Variants in HSPA12B observed in about 807,000 individuals in gnomAD.
HSPA12B encodes heat shock protein family A (Hsp70) member 12B, also known as heat shock 70 kDa protein 12B.
In HSPA12B, 54 loss-of-function variants were observed where a neutral mutation model predicts 69.3. The ratio of observed to expected loss-of-function variants is 0.78; its 90% CI spans 0.63 to 0.98. The LOEUF (loss-of-function observed/expected upper bound fraction) is 0.98. Among genes scored for constraint, HSPA12B ranks in the 50% least tolerant of loss-of-function variants. The pLI is 0.00. For missense variants in HSPA12B, 929 were observed against 999.8 expected (o/e 0.93, Z 0.96); for synonymous variants, 441 against 436.5 (o/e 1.01, Z -0.13).
intron 11 of HSPA12B, 117 bp downstream of exon 11, chr20:3,750,344 A>C: frequency 6.9e-5 from 74 of 1,065,852 alleles, no homozygotes; most frequent in Non-Finnish European, 8.9e-5. Flanking sequence ...CCACATATAC[A>C]CTAAGCCAGC....
chr20:3,733,739 T>C (rs2088066341), intron 1 of HSPA12B, among the ~76,000 whole-genome samples: 1 of 152,172 alleles, frequency 6.6e-6, no homozygotes, highest in Admixed American at 6.5e-5. Context: ...GTCTGTGGCT[T>C]GGAAGAAACG....
At position 3,748,218 on chromosome 20, in the gene HSPA12B, C is replaced by A; in HGVS notation, c.677C>A (p.Ala226Asp). The A allele has an allele frequency of 6.4e-7, 1 of 1,555,798 alleles. No individual in the cohort carries two copies. Among genetic ancestry groups the A allele is most frequent in the South Asian group, 1.2e-5 (1 of 84,014 alleles). Reference sequence around the variant, plus strand: ...ACCCTGCCCACCACCCATCCCCAGGCTGGACTAGTGTCCCGAGAGAATGCA... The same window carrying A: ...ACCCTGCCCACCACCCATCCCCAGGATGGACTAGTGTCCCGAGAGAATGCA... ...KQFMREAAYL[A>D]GLVSRENAEQ... Residue 226 changes from alanine (A) to aspartate (D), a missense_variant and splice_region_variant, in exon 8 of 13, where the codon GCT becomes GAT. Physicochemically the swap from Ala to Asp is moderately radical, Grantham distance 126. Around this residue, in one of 3 missense-constraint regions of HSPA12B, gnomAD observed 477 missense variants for 535.2 expected, o/e 0.89. Coordinates refer to ENST00000254963, the MANE Select transcript of HSPA12B (RefSeq NM_052970.5).
At chr20:3,750,331 A>C in intron 11 of HSPA12B, 104 bp downstream of exon 11, 1 of 1,216,802 alleles carries the variant, frequency 8.2e-7, no homozygotes, top group East Asian at 2.6e-5. Flanking sequence ...TGCCTGATTC[A>C]TCCCACATAT....
In HSPA12B at chr20:3,744,889, T is replaced by C; in HGVS notation, c.267-13T>C. ...GAAGGGAGGGTTGCACTGACTGCCC[T>C]GTGCCTCCGCAGGAAATGGGAGGGC... On this transcript the variant is annotated splice_polypyrimidine_tract_variant and intron_variant, in intron 4 of 12. Transcript: ENST00000254963. The surrounding 1 kb of genome is among the most constrained non-coding windows in gnomAD (Gnocchi z 4.9). The C allele has an allele frequency of 6.2e-7, 1 of 1,610,664 alleles. No individual in the cohort carries two copies. Among genetic ancestry groups the C allele is most frequent in the Non-Finnish European group, 8.5e-7 (1 of 1,179,538 alleles).
chr20:3,748,270 C>G lies in HSPA12B; in HGVS notation c.729C>G (p.Pro243=). Reference sequence around the variant, plus strand: ...AGCAGCTACTCATCGCCCTGGAGCCCGAGGCCGCCTCGGTATACTGCCGCA... The same window carrying G: ...AGCAGCTACTCATCGCCCTGGAGCCGGAGGCCGCCTCGGTATACTGCCGCA... The part of the protein sequence containing the change: ...NAEQLLIALE[P]EAASVYCRKL... The change falls in exon 8 of 13, where the codon CCC becomes CCG. Residue 243 remains proline, a synonymous_variant. Transcript: ENST00000254963. 1 of 1,604,746 alleles carries G rather than the reference C, an allele frequency of 6.2e-7. No individual in the cohort carries two copies. The highest frequency in any genetic ancestry group is 8.5e-7 in the Non-Finnish European group (1 of 1,175,190).
At chr20:3,742,675 A>G (rs2088222867) in intron 4 of HSPA12B, among the ~76,000 whole-genome samples, 1 of 151,904 alleles carries the variant, frequency 6.6e-6, no homozygotes, top group Non-Finnish European at 1.5e-5. Context: ...ACATAACAAT[A>G]AAATATGCAA....
intron 1 of HSPA12B, among the ~76,000 whole-genome samples, chr20:3,735,032 C>A (rs2088087507): frequency 6.6e-6 from 1 of 152,078 alleles, no homozygotes; most frequent in South Asian, 2.1e-4. Flanking sequence ...GCCACCACAC[C>A]CAGCCCTTAA....
chr20:3,748,599 C>A (rs1032575150), intron 8 of HSPA12B, among the ~76,000 whole-genome samples: 2 of 152,146 alleles, frequency 1.3e-5, no homozygotes, highest in South Asian at 2.1e-4. Context: ...GTGGGACATG[C>A]CCTACCTAGG....
intron 11 of HSPA12B, 125 bp from the exon 12 acceptor site, chr20:3,750,679 C>T (rs1329072631): frequency 3.2e-6 from 5 of 1,570,186 alleles, no homozygotes; most frequent in African/African-American, 2.7e-5. Flanking sequence ...CCAGACACCA[C>T]GTGCAGTCGG....
intron 8 of HSPA12B, 91 bp downstream of exon 8, chr20:3,748,482 G>C (rs2088349965): frequency 8.1e-7 from 1 of 1,239,168 alleles, no homozygotes. Flanking sequence ...GAAGGGGAGA[G>C]GGTACCCACC....
Position 3,740,970 on chromosome 20 carries a change from GCGTGGCAAAGTCAT to G in HSPA12B, c.141+59_141+72del, listed in dbSNP as rs2088191259. On this transcript the variant is annotated intron_variant, in intron 3 of 12. Coordinates refer to ENST00000254963, the MANE Select transcript of HSPA12B (RefSeq NM_052970.5). The surrounding 1 kb of genome is among the most constrained non-coding windows in gnomAD (Gnocchi z 4.9). ...ACCTGGCTGGTGTGGACAGGGTCGT[GCGTGGCAAAGTCAT>G]GACAGGGCCTCAGCTAGGAAGGAGG... 1 of 1,440,452 alleles carries G rather than the reference GCGTGGCAAAGTCAT, an allele frequency of 6.9e-7. No individual in the cohort carries two copies. 89.2% of individuals were successfully genotyped at this position (1,440,452 alleles called of 1,614,324 possible).
chr20:3,741,569 G>T (rs997265109), intron 3 of HSPA12B, among the ~76,000 whole-genome samples: 1 of 152,170 alleles, frequency 6.6e-6, no homozygotes, highest in Non-Finnish European at 1.5e-5. Flanking sequence ...GGAAGCGGAG[G>T]TTGCAGTTAG....
chr20:3,750,719 G>A (rs2088402808), intron 11 of HSPA12B, 85 bp from the exon 12 acceptor site: 3 of 1,603,738 alleles, frequency 1.9e-6, no homozygotes, highest in African/African-American at 1.3e-5. Context: ...GGAGGCAGAG[G>A]TAGAGAATAA....
At position 3,744,198 on chromosome 20, in the gene HSPA12B, C is replaced by T. The variant is rs1304172898; in HGVS notation, c.267-704C>T. Among the ~76,000 whole-genome samples the T allele has an allele frequency of 2.0e-5, 3 of 152,160 alleles. No individual in the cohort carries two copies. Among genetic ancestry groups the T allele is most frequent in the African/African-American group, 7.2e-5 (3 of 41,428 alleles). On this transcript the variant is annotated intron_variant, in intron 4 of 12. Coordinates refer to ENST00000254963, the MANE Select transcript of HSPA12B (RefSeq NM_052970.5). The surrounding 1 kb of genome is among the most constrained non-coding windows in gnomAD (Gnocchi z 4.9). Reference sequence around the variant, plus strand: ...AAGGGTGAATGGAGACATAGACAGACAGGTAACTGCTCCCAAAATACATGG... The same window carrying T: ...AAGGGTGAATGGAGACATAGACAGATAGGTAACTGCTCCCAAAATACATGG...
intron 7 of HSPA12B, 113 bp from the exon 8 acceptor site, chr20:3,748,104 T>C: frequency 1.1e-6 from 1 of 935,710 alleles, no homozygotes; most frequent in East Asian, 2.9e-5. Flanking sequence ...ATGGGTGGGG[T>C]GTGATGGAGG....
At chr20:3,743,032 C>T (rs1376747824) in intron 4 of HSPA12B, among the ~76,000 whole-genome samples, 1 of 128,890 alleles carries the variant, frequency 7.8e-6, no homozygotes, top group African/African-American at 2.9e-5. Context: ...CGCCACCACA[C>T]CCAGCTAATT....
At position 3,745,769 on chromosome 20, in the gene HSPA12B, G is replaced by A. The variant is rs2088289659; in HGVS notation, c.559-146G>A. On this transcript the variant is annotated intron_variant, in intron 6 of 12. Coordinates refer to ENST00000254963, the MANE Select transcript of HSPA12B (RefSeq NM_052970.5). The surrounding 1 kb of genome is among the most constrained non-coding windows in gnomAD (Gnocchi z 5.6). ...TTTTGTCTGGTAGAGCCTGCACCAA[G>A]CCATACTGATGGGAGGGGGGCCGAT... The A allele has an allele frequency of 3.2e-6, 3 of 937,254 alleles. No individual in the cohort carries two copies. The African/African-American group carries it at 4.8e-5, about 15-fold the overall frequency. The allele number at this position is 937,254 out of a possible 1,614,324, so 58.1% of individuals were successfully genotyped here.
chr20:3,749,652 G>A lies in HSPA12B; in HGVS notation c.938-98G>A. On this transcript the variant is annotated intron_variant, in intron 9 of 12. Transcript: ENST00000254963. This position sits in a 1 kb window ranked among gnomAD's most constrained non-coding sequence, Gnocchi z 5.5. Reference sequence around the variant, plus strand: ...CCCCGACCCTGCAGACAGGCCTTGGGACCCGGGGCAGGGCTGGAGGCTGGG... The same window carrying A: ...CCCCGACCCTGCAGACAGGCCTTGGAACCCGGGGCAGGGCTGGAGGCTGGG... The A allele has an allele frequency of 8.9e-6, 8 of 903,808 alleles. No individual in the cohort carries two copies. The highest frequency in any genetic ancestry group is 1.6e-5 in the South Asian group (1 of 61,094). The allele number at this position is 903,808 out of a possible 1,614,324, so 56.0% of individuals were successfully genotyped here. A position where few individuals can be genotyped will look rare whatever the true frequency, so the allele number is the denominator to read the frequency against.
rs1378628720 is a variant in HSPA12B, at chr20:3,745,998, A to T, written c.642A>T (p.Pro214=). The part of the protein sequence containing the change: ...VLTVPAIWKQ[P]AKQFMREAAY... ...CGGTGCCTGCCATCTGGAAACAGCC[A>T]GCCAAGCAGTTCATGCGGGAGGCTG... Residue 214 remains proline (P), a synonymous_variant, in exon 7 of 13, where the codon CCA becomes CCT. Coordinates refer to ENST00000254963, the MANE Select transcript of HSPA12B (RefSeq NM_052970.5). The surrounding 1 kb of genome is among the most constrained non-coding windows in gnomAD (Gnocchi z 5.6). 1 of 1,613,950 alleles carries T rather than the reference A, an allele frequency of 6.2e-7. No homozygotes were observed. Among genetic ancestry groups the T allele is most frequent in the South Asian group, 1.1e-5 (1 of 91,082 alleles).
Sources: allele counts gnomAD v4.1 joint callset (sites outside exome capture counted in the v4.1 genomes callset), GRCh38; gene constraint gnomAD v4.1.1; regional missense constraint gnomAD v4.1.1; non-coding constraint Gnocchi (gnomAD v3.1); transcripts MANE v1.5; gene names NCBI Gene and HGNC (gene_info 2026-07-23, HGNC 2026-07-21).